The following CCNH variants were observed in gnomAD, a reference collection of about 807,000 sequenced individuals.
CCNH encodes cyclin-H.
Under a neutral mutation model 41.9 loss-of-function variants are expected in CCNH, and 31 were observed. The ratio of observed to expected loss-of-function variants is 0.74; its 90% CI spans 0.56 to 1.00. CCNH has a LOEUF of 1.00. Among genes scored for constraint, CCNH ranks in the 50% least tolerant of loss-of-function variants. The probability of loss-of-function intolerance (pLI) is 0.00; values close to 1 mark genes in which losing one functional copy is unlikely to be tolerated. For synonymous variants in CCNH, 138 were observed against 136.1 expected, an observed-to-expected ratio of 1.01 and a Z score of -0.10; for missense variants, 362 against 388.4, an observed-to-expected ratio of 0.93 and a Z score of 0.57.
intron 9 of CCNH, among the ~76,000 whole-genome samples, chr5:87,353,507 G>T (rs1759431529): frequency 6.6e-6 from 1 of 151,930 alleles, no homozygotes; most frequent in African/African-American, 2.4e-5. Context: ...TTTTTTGGAG[G>T]CAAAAGTAGA....
chr5:87,376,007 AAGGGTTACCTGTTTAAAGTGG>A (rs1369777116), downstream of CCNH, among the ~76,000 whole-genome samples: 1 of 152,130 alleles, frequency 6.6e-6, no homozygotes, highest in Non-Finnish European at 1.5e-5. Flanking sequence ...TCGTCCGCTC[AAGGGTTACCTGTTTAAAGTGG>A]AGTTTTCACC....
At chr5:87,396,694 G>C (rs1762992350) in intron 7 of CCNH, among the ~76,000 whole-genome samples, 1 of 152,202 alleles carries the variant, frequency 6.6e-6, no homozygotes, top group East Asian at 1.9e-4. Context: ...TGAAATATAA[G>C]TGACTGTTAA....
downstream of CCNH, chr5:87,392,969 T>C (rs1202472458): frequency 6.6e-6 from 1 of 152,060 alleles, no homozygotes; most frequent in Non-Finnish European, 1.5e-5. Context: ...AGCAGCAATA[T>C]ATTTAACTAG....
In CCNH at chr5:87,355,153, A is replaced by C. The variant is rs145302571; in HGVS notation, c.*91-36256T>G. Among the ~76,000 whole-genome samples, 52 of 152,312 alleles carry C rather than the reference A, an allele frequency of 3.4e-4. No individual in the cohort carries two copies. In the East Asian group the frequency reaches 9.8e-3, roughly 29 times the overall value. ...TAACTAGCAAGTTATCCAGAAGATAAGTATTGAAGGTGCTAAACAACAGAT... is the reference window on the plus strand; with the variant it reads ...TAACTAGCAAGTTATCCAGAAGATACGTATTGAAGGTGCTAAACAACAGAT... On this transcript the variant is annotated intron_variant and NMD_transcript_variant, in intron 9 of 9. Coordinates refer to the CCNH transcript ENST00000645953.
At chr5:87,341,009 A>C (rs1218391377) in intron 9 of CCNH, among the ~76,000 whole-genome samples, 2 of 151,958 alleles carry the variant, frequency 1.3e-5, no homozygotes, top group East Asian at 3.9e-4. Context: ...CTGCTGTTGA[A>C]ACTGATGTAT....
intron 9 of CCNH, among the ~76,000 whole-genome samples, chr5:87,345,503 C>T (rs1231639826): frequency 6.6e-6 from 1 of 152,080 alleles, no homozygotes; most frequent in Non-Finnish European, 1.5e-5. Context: ...AGTATAGAAC[C>T]TCACTACTTG....
intron 9 of CCNH, among the ~76,000 whole-genome samples, chr5:87,358,637 CCT>C (rs1324570390): frequency 1.3e-5 from 2 of 152,188 alleles, no homozygotes; most frequent in Admixed American, 6.5e-5. Context: ...TCGTGTTACT[CCT>C]CTGTTTTAAT....
At chr5:87,332,037 T>C (rs1307923061) in intron 9 of CCNH, among the ~76,000 whole-genome samples, 1 of 152,170 alleles carries the variant, frequency 6.6e-6, no homozygotes, top group Non-Finnish European at 1.5e-5. Flanking sequence ...TAGTGTTAAA[T>C]GATAAAATGT....
In CCNH at chr5:87,401,713, T is replaced by A. The variant is rs1376139691; in HGVS notation, c.749A>T (p.Asp250Val). 1.3e-6 allele frequency: 2 copies of A among 1,586,650 alleles called. No homozygotes were observed. Among genetic ancestry groups the A allele is most frequent in the East Asian group, 4.5e-5 (2 of 44,416 alleles). The change falls in exon 6 of 9, where the codon GAT becomes GTT. Residue 250 changes from aspartate (D) to valine (V), a missense_variant. Coordinates refer to ENST00000256897, the MANE Select transcript of CCNH (RefSeq NM_001239.4). Reference protein sequence around the residue: ...ENRTCLSQLLDIMKSMRNLVK... With the variant: ...ENRTCLSQLLVIMKSMRNLVK... ...TCTCTTTTACTTACTTTTCATTATA[T>A]CTAGTAACTGTGACAGGCAAGTTCT...
At chr5:87,372,805 G>A (rs1761046075), downstream of CCNH, among the ~76,000 whole-genome samples, 1 of 152,058 alleles carries the variant, frequency 6.6e-6, no homozygotes, top group African/African-American at 2.4e-5. Context: ...AAGGTTTAAA[G>A]AAAGTTTAGT....
intron 9 of CCNH, among the ~76,000 whole-genome samples, chr5:87,347,194 ATATTG>A (rs1459325290): frequency 6.6e-6 from 1 of 151,994 alleles, no homozygotes; most frequent in Admixed American, 6.6e-5. Flanking sequence ...CAGTAGAACG[ATATTG>A]TATTGTTTTT....
At chr5:87,331,995 A>G (rs1165065776) in intron 9 of CCNH, among the ~76,000 whole-genome samples, 1 of 152,124 alleles carries the variant, frequency 6.6e-6, no homozygotes, top group Non-Finnish European at 1.5e-5. Flanking sequence ...TCATTTTTAT[A>G]GAAGAAATTG....
intron 9 of CCNH, among the ~76,000 whole-genome samples, chr5:87,368,773 G>C (rs1046610999): frequency 6.6e-6 from 1 of 152,146 alleles, no homozygotes; most frequent in Non-Finnish European, 1.5e-5. Flanking sequence ...CTTAGGAACT[G>C]GCAACTGCCT....
chr5:87,385,706 T>C (rs1047163241), intron 9 of CCNH, among the ~76,000 whole-genome samples: 2 of 152,188 alleles, frequency 1.3e-5, no homozygotes, highest in Admixed American at 1.3e-4. Context: ...TCACAAACAT[T>C]CACTGTAAAT....
chr5:87,377,196 G>C, upstream of CCNH: 1 of 944,332 alleles, frequency 1.1e-6, no homozygotes. Context: ...TTGGATGTCA[G>C]TTCTGATTAT....
chr5:87,349,460 T>C, intron 9 of CCNH: 1 of 1,397,770 alleles, frequency 7.2e-7, no homozygotes, highest in Non-Finnish European at 9.8e-7. Flanking sequence ...TAAAAGTTTC[T>C]AACTTCTAAA....
chr5:87,317,430 AT>A (rs1192222399), downstream of CCNH, among the ~76,000 whole-genome samples: 2 of 152,104 alleles, frequency 1.3e-5, no homozygotes, highest in Admixed American at 1.3e-4. Flanking sequence ...ACCTTAAGGA[AT>A]TAGACTAGAT....
intron 9 of CCNH, among the ~76,000 whole-genome samples, chr5:87,383,016 C>T (rs1761829887): frequency 6.6e-6 from 1 of 151,990 alleles, no homozygotes; most frequent in African/African-American, 2.4e-5. Flanking sequence ...TGTTTGATCC[C>T]AGGGGTTCAA....
At chr5:87,366,868 T>C (rs936556420) in intron 9 of CCNH, among the ~76,000 whole-genome samples, 5 of 152,154 alleles carry the variant, frequency 3.3e-5, no homozygotes, top group Non-Finnish European at 7.4e-5. Flanking sequence ...CCCGTCTCTT[T>C]AAAAAATTAA....
Sources: gnomAD v4.1 joint callset for allele counts (sites outside exome capture counted in the v4.1 genomes callset) on GRCh38, gnomAD v4.1.1 for gene constraint, MANE v1.5 for transcripts, NCBI Gene and HGNC (gene_info 2026-07-23, HGNC 2026-07-21) for gene names.